Variants in FBN1 observed in about 807,000 individuals in gnomAD.
FBN1 encodes the protein fibrillin 1, also known as fibrillin-1.
FBN1 carries 29 observed loss-of-function variants against 365.1 expected under a neutral mutation model. That is an observed-to-expected ratio of 0.08 (90% confidence interval 0.06 to 0.11). The LOEUF (loss-of-function observed/expected upper bound fraction) is 0.11, where lower values mean the gene tolerates loss of function less well. Ranked by LOEUF, FBN1 falls within the 10% of genes least tolerant of loss-of-function variation. The probability of loss-of-function intolerance (pLI) is 1.00; values close to 1 mark genes in which losing one functional copy is unlikely to be tolerated. For missense variants in FBN1, 2,476 were observed against 3,703.2 expected, an observed-to-expected ratio of 0.67 and a Z score of 8.60; for synonymous variants, 1,210 against 1,270.5, an observed-to-expected ratio of 0.95 and a Z score of 1.01.
At chr15:48,486,033 G>A (rs544253161) in intron 29 of FBN1, among the ~76,000 whole-genome samples, 3 of 152,290 alleles carry the variant, frequency 2.0e-5, no homozygotes, top group African/African-American at 7.2e-5. Flanking sequence ...AATAGTGAAT[G>A]GGACAGACAC....
intron 6 of FBN1, among the ~76,000 whole-genome samples, chr15:48,568,048 A>AGAAAGAAAGAAAGAAG (rs1566928760): frequency 1.3e-5 from 1 of 77,776 alleles, no homozygotes; most frequent in Admixed American, 1.1e-4. Context: ...AAAGAAAGAA[A>AGAAAGAAAGAAAGAAG]GAAGAAAGAA....
At chr15:48,464,119 T>G in intron 40 of FBN1, 98 bp from the exon 41 acceptor site, 3 of 1,154,712 alleles carry the variant, frequency 2.6e-6, no homozygotes, top group South Asian at 1.3e-5. Flanking sequence ...AGAAAATCTA[T>G]AGGGTATTTT....
intron 46 of FBN1, 43 bp from the exon 47 acceptor site, chr15:48,446,865 A>G: frequency 7.4e-7 from 1 of 1,358,482 alleles, no homozygotes. Context: ...TTATAAGTAG[A>G]AAAAGTGGTT....
chr15:48,644,672 T>C lies in FBN1; in HGVS notation c.98A>G (p.Asn33Ser), dbSNP rs2140787661. ...CCGACTGGCTCTGGTTTCCTTCACG[T>C]TCCCAGCCTCCAAATTGGCGTCCGC... ...HGADANLEAG[N>S]VKETRASRAK... is the part of the protein sequence containing the mutation. Residue 33 changes from asparagine (N) to serine (S), a missense_variant, in exon 2 of 66, where the codon AAC becomes AGC. Coordinates refer to ENST00000316623, the MANE Select transcript of FBN1 (RefSeq NM_000138.5). The C allele has an allele frequency of 6.2e-7, 1 of 1,614,102 alleles. No homozygotes were observed. The highest frequency in any genetic ancestry group is 8.5e-7 in the Non-Finnish European group (1 of 1,179,968).
chr15:48,463,607 G>A (rs1225281854), intron 41 of FBN1, among the ~76,000 whole-genome samples: 1 of 152,198 alleles, frequency 6.6e-6, no homozygotes, highest in African/African-American at 2.4e-5. Context: ...GGTCAGCACT[G>A]TAAATATAAT....
intron 6 of FBN1, among the ~76,000 whole-genome samples, chr15:48,547,719 TTTCACACACACACACA>T (rs2044105528): frequency 1.1e-5 from 1 of 91,332 alleles, no homozygotes; most frequent in African/African-American, 4.4e-5. Flanking sequence ...ATCTTCTCTC[TTTCACACACACACACA>T]CACACACACA....
intron 4 of FBN1, among the ~76,000 whole-genome samples, chr15:48,606,823 C>T (rs916345856): frequency 6.6e-6 from 1 of 152,190 alleles, no homozygotes; most frequent in Non-Finnish European, 1.5e-5. Flanking sequence ...ATTTAATTAT[C>T]ATTGTGATGG....
chr15:48,441,861 T>G lies in FBN1; in HGVS notation c.6038-15A>C, dbSNP rs774279350. On this transcript the variant is annotated splice_polypyrimidine_tract_variant and intron_variant, in intron 49 of 65. Transcript: ENST00000316623. ...CTCATCAATATCTAAAAGAATCACA[T>G]GAGTCAAACAAAGTCAAAACACGAT... is the stretch of plus-strand genomic sequence containing the variant. 24 of 1,612,382 alleles carry G rather than the reference T, an allele frequency of 1.5e-5. No individual in the cohort carries two copies. The South Asian group carries it at 2.5e-4, about 17-fold the overall frequency.
chr15:48,505,200 A>G (rs2043698768), intron 15 of FBN1, 53 bp from the exon 16 acceptor site: 3 of 1,609,014 alleles, frequency 1.9e-6, no homozygotes, highest in Non-Finnish European at 2.6e-6. Flanking sequence ...ATCTAAAATT[A>G]TAACATGTTG....
chr15:48,584,683 C>T (rs2044422330), intron 6 of FBN1, among the ~76,000 whole-genome samples: 2 of 152,054 alleles, frequency 1.3e-5, no homozygotes, highest in South Asian at 2.1e-4. Context: ...GAAATGAGGC[C>T]TAAATAAGGT....
intron 8 of FBN1, among the ~76,000 whole-genome samples, chr15:48,530,126 G>A (rs953882193): frequency 2.1e-4 from 27 of 129,652 alleles, no homozygotes; most frequent in Admixed American, 9.5e-4. Context: ...TGCTGCATCC[G>A]CCGCATCACA....
At chr15:48,613,459 A>G (rs1389314029) in intron 2 of FBN1, among the ~76,000 whole-genome samples, 1 of 152,212 alleles carries the variant, frequency 6.6e-6, no homozygotes, top group Non-Finnish European at 1.5e-5. Flanking sequence ...TCTAATGCAC[A>G]TAAGACTTCA....
chr15:48,433,477 A>C (rs1192935887), intron 54 of FBN1, among the ~76,000 whole-genome samples: 1 of 152,216 alleles, frequency 6.6e-6, no homozygotes, highest in Non-Finnish European at 1.5e-5. Flanking sequence ...CTCCTGTGAA[A>C]TAACAGCAAT....
At chr15:48,567,316 A>G (rs537541279) in intron 6 of FBN1, among the ~76,000 whole-genome samples, 4 of 152,198 alleles carry the variant, frequency 2.6e-5, no homozygotes, top group Admixed American at 2.0e-4. Flanking sequence ...CAGTTTTATT[A>G]TATTTTTAAA....
intron 38 of FBN1, 66 bp from the exon 39 acceptor site, chr15:48,465,924 G>T: frequency 1.9e-6 from 2 of 1,063,958 alleles, no homozygotes; most frequent in Admixed American, 1.8e-5. Context: ...GTATCCTCAA[G>T]AGAAATACTC....
At chr15:48,472,480 C>T (rs2043384179) in intron 35 of FBN1, 71 bp downstream of exon 35, 4 of 1,306,872 alleles carry the variant, frequency 3.1e-6, no homozygotes, top group Non-Finnish European at 4.3e-6. Flanking sequence ...AAAAAAAAAG[C>T]ATCAGGAATG....
In FBN1 at chr15:48,644,687, T is replaced by C. The variant is rs193922245; in HGVS notation, c.83A>G (p.Asn28Ser). The change falls in exon 2 of 66, where the codon AAT (asparagine) becomes AGT (serine). Residue 28 changes from asparagine to serine, a missense_variant. Asn to Ser is a conservative substitution (Grantham distance 46). Around this residue, in one of 5 missense-constraint regions of FBN1, gnomAD observed 76 missense variants for 85.4 expected, o/e 0.89. Transcript: ENST00000316623. ...TTCCTTCACGTTCCCAGCCTCCAAA[T>C]TGGCGTCCGCCCCATGGCTCGTGTA... ...ASYTSHGADA[N>S]LEAGNVKETR... 8.5e-5 allele frequency: 138 copies of C among 1,614,070 alleles called. No homozygotes were observed. The highest frequency in any genetic ancestry group is 1.1e-4 in the Non-Finnish European group (126 of 1,180,034).
At chr15:48,569,489 T>A (rs2044288765) in intron 6 of FBN1, among the ~76,000 whole-genome samples, 1 of 152,068 alleles carries the variant, frequency 6.6e-6, no homozygotes, top group African/African-American at 2.4e-5. Context: ...AGAGAAGAAA[T>A]ACATATGGTC....
In FBN1 at chr15:48,499,057, T is replaced by G. The variant is rs778854439; in HGVS notation, c.2114-19A>C. On this transcript the variant is annotated intron_variant, in intron 17 of 65. Coordinates refer to ENST00000316623, the MANE Select transcript of FBN1 (RefSeq NM_000138.5). ...TATTCCGCTGCAATAAATTAACAGA[T>G]AGTAAATGATTCCCTTGTTTGCAGA... 2 of 1,613,290 alleles carry G rather than the reference T, an allele frequency of 1.2e-6. No individual in the cohort carries two copies. Among genetic ancestry groups the G allele is most frequent in the Admixed American group, 1.7e-5 (1 of 60,006 alleles).
Sources: allele counts gnomAD v4.1 joint callset (sites outside exome capture counted in the v4.1 genomes callset), GRCh38; gene constraint gnomAD v4.1.1; regional missense constraint gnomAD v4.1.1; transcripts MANE v1.5; gene names NCBI Gene and HGNC (gene_info 2026-07-23, HGNC 2026-07-21).